The following ADAMTS12 variants were observed in gnomAD, a reference collection of about 807,000 sequenced individuals.
ADAMTS12 encodes the protein ADAM metallopeptidase with thrombospondin type 1 motif 12.
Under a neutral mutation model 167.8 loss-of-function variants are expected in ADAMTS12, and 118 were observed. The observed-to-expected ratio is 0.70, with a 90% CI of 0.61 to 0.82. The LOEUF (loss-of-function observed/expected upper bound fraction) is 0.82. ADAMTS12 is among the 40% of genes least tolerant of loss of function. ADAMTS12 has a pLI of 0.00. For synonymous variants in ADAMTS12, 704 were observed against 716.9 expected (o/e 0.98, Z 0.29); for missense variants, 1,916 against 1,998.8 (o/e 0.96, Z 0.79).
chr5:33,860,755 ACCTT>A (rs1490444084), intron 2 of ADAMTS12, among the ~76,000 whole-genome samples: 4 of 149,206 alleles, frequency 2.7e-5, no homozygotes, highest in Admixed American at 6.7e-5. Flanking sequence ...CTTCATTTTA[ACCTT>A]AATAAAGTTA....
intron 2 of ADAMTS12, among the ~76,000 whole-genome samples, chr5:33,825,548 C>A (rs2112509530): frequency 6.6e-6 from 1 of 152,094 alleles, no homozygotes; most frequent in East Asian, 1.9e-4. Context: ...CTACACAAAC[C>A]CAAAAGGAAC....
At chr5:33,852,006 T>C (rs886489339) in intron 2 of ADAMTS12, among the ~76,000 whole-genome samples, 2 of 152,190 alleles carry the variant, frequency 1.3e-5, no homozygotes, top group Non-Finnish European at 2.9e-5. Context: ...TCAAGCTCTG[T>C]AGAGGTTGGA....
chr5:33,576,811 G>A lies in ADAMTS12; in HGVS notation c.3215C>T (p.Thr1072Ile), dbSNP rs1235759438. Residue 1072 changes from threonine to isoleucine, a missense_variant, in exon 19 of 24, where the codon ACC (threonine) becomes ATC (isoleucine). Physicochemically the swap from Thr to Ile is moderately conservative, Grantham distance 89 (BLOSUM62 -1). Coordinates refer to ENST00000504830, the MANE Select transcript of ADAMTS12 (RefSeq NM_030955.4). ...ATAGCGAGAGCTCAGCTCAGGTTGG[G>A]TTGAGCTATCTTGCCACTGTTTCCC... ...LGGKQWQDSS[T>I]QPELSSRYLI... The A allele has an allele frequency of 6.2e-7, 1 of 1,614,192 alleles. No individual in the cohort carries two copies. The highest frequency in any genetic ancestry group is 1.1e-5 in the South Asian group (1 of 91,090).
chr5:33,858,624 C>T (rs1326689995), intron 2 of ADAMTS12, among the ~76,000 whole-genome samples: 1 of 150,774 alleles, frequency 6.6e-6, no homozygotes, highest in Non-Finnish European at 1.5e-5. Flanking sequence ...CACCACTACC[C>T]TCCAGTCTGG....
intron 12 of ADAMTS12, among the ~76,000 whole-genome samples, chr5:33,635,442 G>A (rs985612289): frequency 2.0e-5 from 3 of 152,126 alleles, no homozygotes; most frequent in Admixed American, 6.6e-5. Flanking sequence ...CTAACTCTTG[G>A]TTCTATTTCA....
chr5:33,572,593 G>A (rs1313181123), intron 19 of ADAMTS12, among the ~76,000 whole-genome samples: 11 of 135,858 alleles, frequency 8.1e-5, no homozygotes, highest in Admixed American at 3.9e-4. Flanking sequence ...TTGATGGGAC[G>A]TATCTCAAAA....
intron 3 of ADAMTS12, among the ~76,000 whole-genome samples, chr5:33,746,086 T>TCATAG: frequency 6.6e-6 from 1 of 152,316 alleles, no homozygotes; most frequent in South Asian, 2.1e-4. Flanking sequence ...GTTCGCTATC[T>TCATAG]CATAGCAAAG....
intron 16 of ADAMTS12, among the ~76,000 whole-genome samples, chr5:33,601,106 A>AGTGTGTGTGTGTGTGTGTGT (rs55841502): frequency 1.4e-5 from 2 of 145,820 alleles, no homozygotes; most frequent in African/African-American, 5.1e-5. Context: ...CACATTTAAG[A>AGTGTGTGTGTGTGTGTGTGT]GTGTGTGTGT....
chr5:33,656,657 CTCAGTTTGACCCAGT>C (rs1387182916), intron 7 of ADAMTS12, among the ~76,000 whole-genome samples: 1 of 152,150 alleles, frequency 6.6e-6, no homozygotes, highest in Admixed American at 6.5e-5. Context: ...GTGATAACTT[CTCAGTTTGACCCAGT>C]TACAGTCACC....
At chr5:33,874,541 C>T in intron 2 of ADAMTS12, among the ~76,000 whole-genome samples, 1 of 152,202 alleles carries the variant, frequency 6.6e-6, no homozygotes, top group Non-Finnish European at 1.5e-5. Flanking sequence ...CAAGACTAAA[C>T]ATACTCGTAC....
chr5:33,727,048 C>G (rs1055938965), intron 3 of ADAMTS12, among the ~76,000 whole-genome samples: 1 of 152,156 alleles, frequency 6.6e-6, no homozygotes, highest in Non-Finnish European at 1.5e-5. Context: ...CTCCAGCAGG[C>G]TCTCACAAAG....
rs191275868 is a variant in ADAMTS12, at chr5:33,544,779, T to C, written c.4446+1280A>G. ...TATGGGGAAAGGATTCCCTATTTAATAAATGGTGCTGGAAAAACTGGCTAG... is the reference window on the plus strand; with the variant it reads ...TATGGGGAAAGGATTCCCTATTTAACAAATGGTGCTGGAAAAACTGGCTAG... On this transcript the variant is annotated intron_variant, in intron 22 of 23. Transcript: ENST00000504830. Among the ~76,000 whole-genome samples the C allele has an allele frequency of 7.5e-3, 1,148 of 152,294 alleles. 21 individuals carry two copies. Among genetic ancestry groups the C allele is most frequent in the African/African-American group, 0.026 (1,080 of 41,556 alleles).
intron 2 of ADAMTS12, among the ~76,000 whole-genome samples, chr5:33,813,647 A>G (rs1021464633): frequency 6.6e-6 from 1 of 152,194 alleles, no homozygotes; most frequent in African/African-American, 2.4e-5. Context: ...GCTACAAGGA[A>G]ACTCAACAAA....
intron 5 of ADAMTS12, among the ~76,000 whole-genome samples, chr5:33,681,595 T>C (rs1742116360): frequency 6.6e-6 from 1 of 151,242 alleles, no homozygotes; most frequent in Non-Finnish European, 1.5e-5. Context: ...AAAAAAAGAG[T>C]AAACAAATAC....
intron 2 of ADAMTS12, among the ~76,000 whole-genome samples, chr5:33,867,708 T>A (rs189954320): frequency 1.2e-4 from 19 of 152,316 alleles, no homozygotes; most frequent in Admixed American, 1.1e-3. Context: ...CTGTTATATA[T>A]ATGTCCACAA....
chr5:33,846,890 A>G (rs1365839274), intron 2 of ADAMTS12, among the ~76,000 whole-genome samples: 1 of 152,224 alleles, frequency 6.6e-6, no homozygotes, highest in Non-Finnish European at 1.5e-5. Context: ...CAAAGACCAT[A>G]TTCTTGGGCT....
At chr5:33,706,068 A>T (rs1359324234) in intron 3 of ADAMTS12, among the ~76,000 whole-genome samples, 3 of 152,182 alleles carry the variant, frequency 2.0e-5, no homozygotes, top group Non-Finnish European at 2.9e-5. Context: ...GATTCAATGC[A>T]ACTCCTATCA....
At chr5:33,700,656 C>T (rs80071375) in intron 3 of ADAMTS12, among the ~76,000 whole-genome samples, 2 of 152,060 alleles carry the variant, frequency 1.3e-5, no homozygotes, top group Non-Finnish European at 2.9e-5. Flanking sequence ...TAAAACCATA[C>T]AGAACTAATT....
intron 3 of ADAMTS12, among the ~76,000 whole-genome samples, chr5:33,731,416 G>T (rs1224040142): frequency 6.6e-6 from 1 of 152,122 alleles, no homozygotes; most frequent in African/African-American, 2.4e-5. Context: ...AGCACAGGAG[G>T]CTCTCCTGCT....
Sources: gnomAD v4.1 joint callset for allele counts (sites outside exome capture counted in the v4.1 genomes callset) on GRCh38, gnomAD v4.1.1 for gene constraint, MANE v1.5 for transcripts, NCBI Gene and HGNC (gene_info 2026-07-23, HGNC 2026-07-21) for gene names.